The following DDX10 variants were observed in gnomAD, a reference collection of about 807,000 sequenced individuals.
DDX10 encodes the protein probable ATP-dependent RNA helicase DDX10.
In DDX10, 74 loss-of-function variants were observed where a neutral mutation model predicts 104.3. The ratio of observed to expected loss-of-function variants is 0.71; its 90% confidence interval spans 0.59 to 0.86. DDX10 has a LOEUF of 0.86. DDX10 is among the 40% of genes least tolerant of loss of function. DDX10 has a pLI of 0.00. For missense variants in DDX10, 952 were observed against 1,040.0 expected (o/e 0.92, Z 1.16); for synonymous variants, 351 against 353.4 (o/e 0.99, Z 0.08).
At chr11:108,855,636 T>A (rs1862857435) in intron 16 of DDX10, among the ~76,000 whole-genome samples, 3 of 152,124 alleles carry the variant, frequency 2.0e-5, no homozygotes, top group Admixed American at 2.0e-4. Flanking sequence ...ATTTTTTGTA[T>A]TTTTAGTAGA....
intron 13 of DDX10, among the ~76,000 whole-genome samples, chr11:108,738,744 C>G (rs993697247): frequency 6.6e-6 from 1 of 152,142 alleles, no homozygotes; most frequent in Non-Finnish European, 1.5e-5. Context: ...TTCTAGGTTT[C>G]AAGAATTATG....
intron 15 of DDX10, among the ~76,000 whole-genome samples, chr11:108,849,748 TA>T (rs34821816): frequency 0.12 from 18,729 of 151,952 alleles, 1,365 homozygotes; most frequent in East Asian, 0.25. Context: ...ATAGGAAAAA[TA>T]AAGCATTTAA....
At position 108,691,913 on chromosome 11, in the gene DDX10, C is replaced by T. The variant is rs1465594137; in HGVS notation, c.1013C>T (p.Pro338Leu). ...YLYRVFCRLR[P>L]GVSILALHGR... ...TACCGAGTGTTTTGCCGGCTACGTCCTGGTGTTTCTATCCTTGCACTCCAT... is the reference window on the plus strand; with the variant it reads ...TACCGAGTGTTTTGCCGGCTACGTCTTGGTGTTTCTATCCTTGCACTCCAT... The change falls in exon 8 of 18, where the codon CCT becomes CTT. Residue 338 changes from proline to leucine, a missense_variant. This residue lies in a region of DDX10 where 412 missense variants were observed against 479.2 expected (regional missense o/e 0.86). Transcript: ENST00000322536. The T allele has an allele frequency of 6.2e-7, 1 of 1,614,004 alleles. No homozygotes were observed. The highest frequency in any genetic ancestry group is 1.3e-5 in the African/African-American group (1 of 74,904).
chr11:108,759,397 C>T (rs758638220), intron 13 of DDX10, among the ~76,000 whole-genome samples: 7 of 151,690 alleles, frequency 4.6e-5, no homozygotes, highest in Admixed American at 6.6e-5. Context: ...GTTTGTGTGA[C>T]GATTCAGTGT....
intron 16 of DDX10, among the ~76,000 whole-genome samples, chr11:108,894,703 A>G (rs1863417759): frequency 6.6e-6 from 1 of 152,004 alleles, no homozygotes; most frequent in African/African-American, 2.4e-5. Context: ...TCATATGGGC[A>G]TACTCTTTTG....
At chr11:108,867,188 C>G (rs967062767) in intron 16 of DDX10, among the ~76,000 whole-genome samples, 9 of 151,998 alleles carry the variant, frequency 5.9e-5, no homozygotes, top group African/African-American at 1.9e-4. Context: ...TAAAGTGGAG[C>G]AGTACAAGTT....
At chr11:108,764,430 G>A (rs1203138534) in intron 13 of DDX10, among the ~76,000 whole-genome samples, 2 of 152,206 alleles carry the variant, frequency 1.3e-5, no homozygotes, top group African/African-American at 4.8e-5. Context: ...CACTTTGGGA[G>A]GCCAAGGCAG....
intron 13 of DDX10, among the ~76,000 whole-genome samples, chr11:108,777,467 C>T (rs939368272): frequency 3.3e-5 from 5 of 151,948 alleles, no homozygotes; most frequent in African/African-American, 9.7e-5. Flanking sequence ...GGATTACAGG[C>T]GCGTGCCACT....
intron 13 of DDX10, among the ~76,000 whole-genome samples, chr11:108,780,088 C>G (rs903100097): frequency 6.6e-6 from 1 of 152,102 alleles, no homozygotes; most frequent in African/African-American, 2.4e-5. Flanking sequence ...AAAGCATTGG[C>G]AAAGAGATGG....
chr11:108,882,959 C>T (rs1054985959), intron 16 of DDX10, among the ~76,000 whole-genome samples: 1 of 152,074 alleles, frequency 6.6e-6, no homozygotes, highest in African/African-American at 2.4e-5. Flanking sequence ...ATGTCTTTGT[C>T]CATTCGTTCC....
At chr11:108,889,362 C>T (rs1404212303) in intron 16 of DDX10, among the ~76,000 whole-genome samples, 2 of 151,992 alleles carry the variant, frequency 1.3e-5, no homozygotes, top group Non-Finnish European at 2.9e-5. Context: ...GTGAGGGATT[C>T]CCACAATGGA....
intron 13 of DDX10, among the ~76,000 whole-genome samples, chr11:108,772,393 G>A (rs2094364410): frequency 6.6e-6 from 1 of 152,184 alleles, no homozygotes; most frequent in Non-Finnish European, 1.5e-5. Flanking sequence ...AGACAGAAGG[G>A]GAGAAGACGC....
chr11:108,900,112 CAA>C (rs111587278), intron 16 of DDX10, among the ~76,000 whole-genome samples: 8 of 142,314 alleles, frequency 5.6e-5, no homozygotes, highest in Admixed American at 7.0e-5. Flanking sequence ...AACTCTGTCT[CAA>C]AAAAAAAAAA....
chr11:108,670,002 G>GGTA (rs1349221064), intron 1 of DDX10, among the ~76,000 whole-genome samples: 11 of 152,288 alleles, frequency 7.2e-5, no homozygotes, highest in Admixed American at 2.6e-4. Flanking sequence ...GACCTCCAGA[G>GGTA]CTCTAAGGTA....
chr11:108,893,526 C>T (rs1591113880), intron 16 of DDX10, among the ~76,000 whole-genome samples: 1 of 150,824 alleles, frequency 6.6e-6, no homozygotes, highest in Non-Finnish European at 1.5e-5. Context: ...GATATTGTTC[C>T]TTCTCATAAT....
In DDX10 at chr11:108,783,038, A is replaced by G. The variant is rs141949025; in HGVS notation, c.1966-55408A>G. Among the ~76,000 whole-genome samples, 10 of 152,062 alleles carry G rather than the reference A, an allele frequency of 6.6e-5. No individual in the cohort carries two copies. In the East Asian group the frequency reaches 1.9e-3, roughly 29 times the overall value. On this transcript the variant is annotated intron_variant, in intron 13 of 17. Coordinates refer to ENST00000322536, the MANE Select transcript of DDX10 (RefSeq NM_004398.4). ...TATGCCTTCCTGTTAAACCTGTAAA[A>G]CTCAGATTATTCATCGCCTCTTTGA... is the stretch of plus-strand genomic sequence containing the variant.
chr11:108,728,204 T>C (rs1425145299), intron 13 of DDX10, among the ~76,000 whole-genome samples: 1 of 152,126 alleles, frequency 6.6e-6, no homozygotes, highest in Non-Finnish European at 1.5e-5. Flanking sequence ...CTAACTTAGG[T>C]TCCTTTCCTC....
intron 13 of DDX10, among the ~76,000 whole-genome samples, chr11:108,770,026 A>G (rs1405809049): frequency 6.6e-6 from 1 of 152,256 alleles, no homozygotes; most frequent in African/African-American, 2.4e-5. Flanking sequence ...GCAGGATTCT[A>G]ATAAAAGCTT....
chr11:108,675,849 G>A (rs773722527), intron 3 of DDX10, 123 bp downstream of exon 3: 185 of 1,284,434 alleles, frequency 1.4e-4, no homozygotes, highest in Admixed American at 3.7e-4. Flanking sequence ...GCTAGAATGC[G>A]AGCTTCATCA....
Sources: gnomAD v4.1 joint callset for allele counts (sites outside exome capture counted in the v4.1 genomes callset) on GRCh38, gnomAD v4.1.1 for gene constraint, gnomAD v4.1.1 regional missense constraint, MANE v1.5 for transcripts, NCBI Gene and HGNC (gene_info 2026-07-23, HGNC 2026-07-21) for gene names.